The following NRXN3 variants were observed in gnomAD, a reference collection of about 807,000 sequenced individuals.
NRXN3 encodes the protein neurexin 3, also known as neurexin III.
NRXN3 carries 32 observed loss-of-function variants against 137.6 expected under a neutral mutation model. The ratio of observed to expected loss-of-function variants is 0.23; its 90% confidence interval spans 0.18 to 0.31. NRXN3 has a LOEUF of 0.31. NRXN3 is among the 10% of genes least tolerant of loss of function. The pLI is 1.00. For missense variants in NRXN3, 1,574 were observed against 2,062.5 expected, an observed-to-expected ratio of 0.76 and a Z score of 4.59; for synonymous variants, 798 against 784.5, an observed-to-expected ratio of 1.02 and a Z score of -0.29.
chr14:79,855,360 T>A (rs1385261535), intron 20 of NRXN3, among the ~76,000 whole-genome samples: 1 of 152,192 alleles, frequency 6.6e-6, no homozygotes, highest in Non-Finnish European at 1.5e-5. Flanking sequence ...TCAAACTGAA[T>A]GGTGGATAAG....
At chr14:79,041,763 A>G (rs2099625414) in intron 15 of NRXN3, among the ~76,000 whole-genome samples, 1 of 152,214 alleles carries the variant, frequency 6.6e-6, no homozygotes, top group Non-Finnish European at 1.5e-5. Flanking sequence ...CACTTCATCA[A>G]CTTCACAATG....
chr14:79,239,795 G>A (rs192134798), intron 15 of NRXN3, among the ~76,000 whole-genome samples: 4 of 152,268 alleles, frequency 2.6e-5, no homozygotes, highest in Admixed American at 6.5e-5. Context: ...ATGTAGTAAT[G>A]TGGTATATAC....
rs150007227 is a variant in NRXN3 at position 79,456,843 on chromosome 14, A to G, written c.3263-10378A>G. 2.8e-3 allele frequency among the ~76,000 whole-genome samples: 422 copies of G among 152,150 alleles called. 4 individuals carry two copies. Among genetic ancestry groups the G allele is most frequent in the African/African-American group, 9.9e-3 (410 of 41,512 alleles). On this transcript the variant is annotated intron_variant, in intron 15 of 20. Coordinates refer to ENST00000335750, the MANE Select transcript of NRXN3 (RefSeq NM_001330195.2). Reference sequence around the variant, plus strand: ...CAACTTCACAATATAGATTATAAAAACTAGGTATTTTAAAAATGATAAGAT... The same window carrying G: ...CAACTTCACAATATAGATTATAAAAGCTAGGTATTTTAAAAATGATAAGAT...
chr14:79,654,526 C>T (rs180714930), intron 16 of NRXN3, among the ~76,000 whole-genome samples: 34 of 152,180 alleles, frequency 2.2e-4, no homozygotes, highest in African/African-American at 7.7e-4. Flanking sequence ...ATGAGTCCAG[C>T]CGTGTCCCAA....
chr14:79,234,485 AGCCATTCTCCC>A (rs1033812506), intron 15 of NRXN3, among the ~76,000 whole-genome samples: 10 of 150,124 alleles, frequency 6.7e-5, no homozygotes, highest in African/African-American at 2.5e-4. Context: ...CTGAGGTTCA[AGCCATTCTCCC>A]GCCTCAGCCT....
At chr14:78,472,481 G>A (rs899021470) in intron 4 of NRXN3, among the ~76,000 whole-genome samples, 3 of 152,060 alleles carry the variant, frequency 2.0e-5, no homozygotes, top group African/African-American at 7.2e-5. Context: ...TACCCTCCTG[G>A]GCTTCCTCTG....
intron 16 of NRXN3, among the ~76,000 whole-genome samples, chr14:79,601,910 C>T (rs1444498006): frequency 1.3e-5 from 2 of 152,190 alleles, no homozygotes; most frequent in African/African-American, 4.8e-5. Context: ...CCGAAGAGGG[C>T]AGCCACTGCT....
chr14:79,691,135 C>T (rs184305220), intron 17 of NRXN3, among the ~76,000 whole-genome samples: 303 of 152,186 alleles, frequency 2.0e-3, no homozygotes, highest in Non-Finnish European at 3.4e-3. Flanking sequence ...TGTATCTCCA[C>T]AGCACCACTC....
chr14:79,558,659 T>C (rs2097456422), intron 16 of NRXN3, among the ~76,000 whole-genome samples: 1 of 152,004 alleles, frequency 6.6e-6, no homozygotes, highest in Non-Finnish European at 1.5e-5. Context: ...GTTCCTTTGA[T>C]AGAACACAGG....
chr14:78,455,264 G>A (rs1233385780), intron 4 of NRXN3, among the ~76,000 whole-genome samples: 1 of 152,204 alleles, frequency 6.6e-6, no homozygotes, highest in Non-Finnish European at 1.5e-5. Context: ...CCCTGGGGGA[G>A]CTTCCACATC....
chr14:79,288,813 T>C (rs190689306), intron 15 of NRXN3, among the ~76,000 whole-genome samples: 1 of 152,314 alleles, frequency 6.6e-6, no homozygotes, highest in East Asian at 1.9e-4. Flanking sequence ...ATTTGAATGT[T>C]TTCCAATCTG....
intron 4 of NRXN3, among the ~76,000 whole-genome samples, chr14:78,626,861 G>A (rs1422447049): frequency 6.6e-6 from 1 of 152,202 alleles, no homozygotes; most frequent in African/African-American, 2.4e-5. Flanking sequence ...AGAGAGTGGA[G>A]AAGCATTTTA....
chr14:79,590,416 T>TAAAAAAAAAA lies in NRXN3; in HGVS notation c.3445-73349_3445-73340dup, dbSNP rs11419735. On this transcript the variant is annotated intron_variant, in intron 16 of 20. Coordinates refer to ENST00000335750, the MANE Select transcript of NRXN3 (RefSeq NM_001330195.2). Reference sequence around the variant, plus strand: ...TCCATTAAACCTTTCTTTCTTTTGTTAAAAAAAAAAAAAAAAAAAAAAGAT... The same window carrying TAAAAAAAAAA: ...TCCATTAAACCTTTCTTTCTTTTGTTAAAAAAAAAAAAAAAAAAAAAAAAAAAAAAAAGAT... Among the ~76,000 whole-genome samples, 59 of 92,254 alleles carry TAAAAAAAAAA rather than the reference T, an allele frequency of 6.4e-4. 2 individuals carry two copies. The highest frequency in any genetic ancestry group is 2.3e-3 in the African/African-American group (40 of 17,740). 60.5% of individuals were successfully genotyped at this position (92,254 alleles called of 152,430 possible).
intron 16 of NRXN3, among the ~76,000 whole-genome samples, chr14:79,604,553 T>C (rs1355760941): frequency 1.3e-5 from 2 of 150,906 alleles, no homozygotes; most frequent in South Asian, 2.1e-4. Context: ...TTTTTAATCC[T>C]TCTACTTTAC....
intron 4 of NRXN3, among the ~76,000 whole-genome samples, chr14:78,368,634 G>T (rs909858438): frequency 1.3e-5 from 2 of 152,186 alleles, no homozygotes; most frequent in African/African-American, 4.8e-5. Flanking sequence ...GGTGGAGGTT[G>T]CAGTGAGCTG....
intron 17 of NRXN3, among the ~76,000 whole-genome samples, chr14:79,673,759 T>A (rs2098624986): frequency 6.6e-6 from 1 of 152,078 alleles, no homozygotes; most frequent in Non-Finnish European, 1.5e-5. Context: ...CAAGTGTAGT[T>A]GAAGAGAAAT....
At chr14:78,799,696 C>G (rs1388268098) in intron 8 of NRXN3, among the ~76,000 whole-genome samples, 1 of 152,190 alleles carries the variant, frequency 6.6e-6, no homozygotes. Flanking sequence ...CATGGATTCA[C>G]AGTTCCATGT....
chr14:79,435,617 C>CACACACACAT (rs1555447203), intron 15 of NRXN3, among the ~76,000 whole-genome samples: 97 of 151,888 alleles, frequency 6.4e-4, no homozygotes, highest in African/African-American at 2.2e-3. Context: ...CACACACACA[C>CACACACACAT]ACACACACAC....
intron 4 of NRXN3, among the ~76,000 whole-genome samples, chr14:78,377,192 T>A (rs143458023): frequency 2.5e-4 from 38 of 152,346 alleles, no homozygotes; most frequent in African/African-American, 8.7e-4. Context: ...GATATAATTA[T>A]GTAGACAAAA....
Sources: allele counts gnomAD v4.1 joint callset (sites outside exome capture counted in the v4.1 genomes callset), GRCh38; gene constraint gnomAD v4.1.1; transcripts MANE v1.5; gene names NCBI Gene and HGNC (gene_info 2026-07-23, HGNC 2026-07-21).